Variants in FSTL5 observed in about 807,000 individuals in gnomAD.
FSTL5 encodes follistatin-related protein 5.
Under a neutral mutation model 89.1 loss-of-function variants are expected in FSTL5, and 62 were observed. The observed-to-expected ratio is 0.70, with a 90% confidence interval of 0.57 to 0.86. The LOEUF (loss-of-function observed/expected upper bound fraction) is 0.86. Among genes scored for constraint, FSTL5 ranks in the 40% least tolerant of loss-of-function variants. The pLI is 0.00. For missense variants in FSTL5, 1,057 were observed against 1,001.6 expected (o/e 1.06, Z -0.75); for synonymous variants, 383 against 346.2 (o/e 1.11, Z -1.18).
intron 7 of FSTL5, among the ~76,000 whole-genome samples, chr4:161,602,253 A>ACGAG (rs1734273762): frequency 8.1e-6 from 1 of 122,734 alleles, no homozygotes; most frequent in Non-Finnish European, 1.7e-5. Context: ...GAGGGAGAGA[A>ACGAG]AGAGAGAGAG....
chr4:161,551,033 G>T (rs551890361), intron 8 of FSTL5, among the ~76,000 whole-genome samples: 7 of 152,074 alleles, frequency 4.6e-5, no homozygotes, highest in African/African-American at 1.4e-4. Flanking sequence ...GAATAATGCC[G>T]CAATAAACAT....
At chr4:162,011,725 G>A (rs1233197194) in intron 3 of FSTL5, among the ~76,000 whole-genome samples, 1 of 152,104 alleles carries the variant, frequency 6.6e-6, no homozygotes, top group Non-Finnish European at 1.5e-5. Context: ...TTGAACTCCT[G>A]ACCGCAGGTG....
intron 4 of FSTL5, among the ~76,000 whole-genome samples, chr4:161,863,928 G>GA (rs1190969945): frequency 2.0e-5 from 3 of 152,020 alleles, no homozygotes; most frequent in East Asian, 1.9e-4. Context: ...TTTTATCAGT[G>GA]AAAAAAATGG....
intron 13 of FSTL5, among the ~76,000 whole-genome samples, chr4:161,464,962 A>G (rs966995876): frequency 6.6e-6 from 1 of 152,144 alleles, no homozygotes; most frequent in African/African-American, 2.4e-5. Flanking sequence ...TTTAATTTTC[A>G]TAACAATCTT....
intron 6 of FSTL5, among the ~76,000 whole-genome samples, chr4:161,747,882 G>A (rs1434613): frequency 0.73 from 110,436 of 151,968 alleles, 42,918 homozygotes; most frequent in Non-Finnish European, 0.86. Context: ...TAAGGATATA[G>A]CAAATATATA....
intron 15 of FSTL5, among the ~76,000 whole-genome samples, chr4:161,443,806 A>G (rs1303228712): frequency 1.3e-5 from 2 of 151,892 alleles, no homozygotes; most frequent in Non-Finnish European, 2.9e-5. Flanking sequence ...TGTAGACAAA[A>G]TGAGTAATTA....
chr4:161,729,468 C>T (rs1193713948), intron 6 of FSTL5, among the ~76,000 whole-genome samples: 5 of 152,122 alleles, frequency 3.3e-5, no homozygotes, highest in Non-Finnish European at 5.9e-5. Context: ...TTCTGAATGA[C>T]TCTGCCCTCA....
chr4:162,119,143 C>G (rs994986026), intron 1 of FSTL5, among the ~76,000 whole-genome samples: 1 of 151,434 alleles, frequency 6.6e-6, no homozygotes, highest in Non-Finnish European at 1.5e-5. Context: ...GGGTGGATTG[C>G]GTAAGCCCAG....
intron 13 of FSTL5, among the ~76,000 whole-genome samples, chr4:161,476,182 TTTTTTTG>T (rs1253366744): frequency 5.8e-5 from 6 of 103,796 alleles, no homozygotes; most frequent in South Asian, 3.7e-4. Flanking sequence ...GGTTTTTTTT[TTTTTTTG>T]TTTGTTTGTT....
In FSTL5 at chr4:161,538,192, A is replaced by G; in HGVS notation, c.1286T>C (p.Phe429Ser). The stretch of plus-strand genomic sequence containing the variant: ...GGTCTTTCTAGCAGAGTCTTCCACA[A>G]AAAGAGAAGAGATGTCTTCATCCAC... ...AGVDEDISSL[F>S]VEDSARKTLA... is the part of the protein sequence containing the mutation. Residue 429 changes from phenylalanine to serine, a missense_variant, in exon 10 of 16, where the codon TTT becomes TCT. By Grantham distance (155) the Phe-to-Ser change is radical. Transcript: ENST00000306100. 1 of 1,614,068 alleles carries G rather than the reference A, an allele frequency of 6.2e-7. No homozygotes were observed. The highest frequency in any genetic ancestry group is 2.2e-5 in the East Asian group (1 of 44,866).
chr4:162,114,529 G>GACAC (rs9308041), intron 1 of FSTL5, among the ~76,000 whole-genome samples: 18 of 149,146 alleles, frequency 1.2e-4, no homozygotes, highest in South Asian at 8.7e-4. Context: ...TTTGTGTGTG[G>GACAC]ACACACACAC....
intron 4 of FSTL5, among the ~76,000 whole-genome samples, chr4:161,917,897 T>G (rs1344077855): frequency 3.3e-5 from 5 of 152,204 alleles, no homozygotes; most frequent in African/African-American, 1.2e-4. Flanking sequence ...CAATAGTTTT[T>G]TAACTCCCAT....
Position 161,459,236 on chromosome 4 carries a change from C to T in FSTL5, c.1692G>A (p.Leu564=), listed in dbSNP as rs764056237. The stretch of plus-strand genomic sequence containing the variant: ...CCTGTAGTGTTGGTGATGTCTTCTC[C>T]AAGGTACCCCAGCTTAGCACCCAGA... ...DQVWVLSWGT[L]EKTSPTLQVI... is the part of the protein sequence containing the mutation. Residue 564 remains leucine (L), a synonymous_variant, in exon 14 of 16, where the codon TTG becomes TTA. Transcript: ENST00000306100. The T allele has an allele frequency of 6.2e-7, 1 of 1,610,004 alleles. No homozygotes were observed. Among genetic ancestry groups the T allele is most frequent in the South Asian group, 1.1e-5 (1 of 90,960 alleles).
intron 13 of FSTL5, among the ~76,000 whole-genome samples, chr4:161,465,661 A>G (rs1331938341): frequency 6.6e-6 from 1 of 152,204 alleles, no homozygotes; most frequent in Non-Finnish European, 1.5e-5. Context: ...TATGGAAATG[A>G]GACTTACTTG....
chr4:162,116,597 T>G (rs1026178602), intron 1 of FSTL5, among the ~76,000 whole-genome samples: 2 of 152,090 alleles, frequency 1.3e-5, no homozygotes, highest in African/African-American at 4.8e-5. Flanking sequence ...GGAGGCTACA[T>G]CAGGAATAAG....
At position 162,016,785 on chromosome 4, in the gene FSTL5, G is replaced by C. The variant is rs188529020; in HGVS notation, c.160+16840C>G. On this transcript the variant is annotated intron_variant, in intron 3 of 15. Transcript: ENST00000306100. ...TGAATTACAGTTCACAACATGACTGGACATAATTTGGGAAGTCAAAGAGAA... is the reference window on the plus strand; with the variant it reads ...TGAATTACAGTTCACAACATGACTGCACATAATTTGGGAAGTCAAAGAGAA... 3.6e-3 allele frequency among the ~76,000 whole-genome samples: 555 copies of C among 152,232 alleles called. 11 individuals are homozygous for C. Among genetic ancestry groups the C allele is most frequent in the Non-Finnish European group, 7.1e-4 (48 of 68,018 alleles).
intron 4 of FSTL5, among the ~76,000 whole-genome samples, chr4:161,833,444 T>G (rs1283028032): frequency 3.1e-5 from 3 of 97,664 alleles, no homozygotes; most frequent in Non-Finnish European, 4.7e-5. Context: ...CTTGTTAACT[T>G]TCTGTCTCGT....
chr4:162,018,049 T>C (rs1736966484), intron 3 of FSTL5, among the ~76,000 whole-genome samples: 2 of 152,156 alleles, frequency 1.3e-5, no homozygotes, highest in South Asian at 4.1e-4. Context: ...TTCTGTGAGT[T>C]GCCCTCCTCT....
chr4:161,478,561 T>G (rs1417492556), intron 13 of FSTL5, among the ~76,000 whole-genome samples: 1 of 152,044 alleles, frequency 6.6e-6, no homozygotes, highest in Non-Finnish European at 1.5e-5. Context: ...ACACTATGTG[T>G]GGAGGACATT....
Sources: gnomAD v4.1 joint callset for allele counts (sites outside exome capture counted in the v4.1 genomes callset) on GRCh38, gnomAD v4.1.1 for gene constraint, MANE v1.5 for transcripts, NCBI Gene and HGNC (gene_info 2026-07-23, HGNC 2026-07-21) for gene names.